Variants in CDR2 observed in about 807,000 individuals in gnomAD.
CDR2 encodes the protein cerebellar degeneration-related protein 2.
A neutral mutation model predicts 48.4 loss-of-function variants in CDR2; 34 were observed. The ratio of observed to expected loss-of-function variants is 0.70; its 90% confidence interval spans 0.53 to 0.94. The LOEUF (loss-of-function observed/expected upper bound fraction) is 0.94. Among genes scored for constraint, CDR2 ranks in the 40% least tolerant of loss-of-function variants. The pLI is 0.00. For synonymous variants in CDR2, 240 were observed against 219.7 expected (o/e 1.09, Z -0.82); for missense variants, 498 against 549.5 (o/e 0.91, Z 0.94).
At chr16:22,349,669 A>C (rs2048929112) in intron 3 of CDR2, 32 bp downstream of exon 3, 1 of 1,610,244 alleles carries the variant, frequency 6.2e-7, no homozygotes, top group Non-Finnish European at 8.5e-7. Flanking sequence ...ACTTCCCCCT[A>C]GTCCTTCCTT....
At chr16:22,360,965 G>C (rs1162796368) in intron 2 of CDR2, among the ~76,000 whole-genome samples, 1 of 151,910 alleles carries the variant, frequency 6.6e-6, no homozygotes, top group African/African-American at 2.4e-5. Flanking sequence ...GGCCAGGCTG[G>C]TCTCGAACTC....
intron 4 of CDR2, 108 bp from the exon 5 acceptor site, chr16:22,347,931 T>A: frequency 9.1e-7 from 1 of 1,097,776 alleles, no homozygotes; most frequent in Non-Finnish European, 1.3e-6. Flanking sequence ...GCTGTGACAG[T>A]GACTAATTTT....
intron 2 of CDR2, among the ~76,000 whole-genome samples, chr16:22,362,330 T>G (rs1453748233): frequency 6.6e-6 from 1 of 152,232 alleles, no homozygotes; most frequent in Non-Finnish European, 1.5e-5. Flanking sequence ...TCAGATATCT[T>G]TGGATACTTT....
At position 22,364,736 on chromosome 16, in the gene CDR2, G is replaced by A. The variant is rs370262754; in HGVS notation, c.192+166C>T. On this transcript the variant is annotated intron_variant, in intron 2 of 4. Transcript: ENST00000268383. Reference sequence around the variant, plus strand: ...AAATTAGCCAGGCGTGGTGGCAGGCGCCTGTAATCCCAGCTACTCGGGAGG... The same window carrying A: ...AAATTAGCCAGGCGTGGTGGCAGGCACCTGTAATCCCAGCTACTCGGGAGG... Among the ~76,000 whole-genome samples the A allele has an allele frequency of 6.8e-4, 103 of 152,234 alleles. 2 individuals carry two copies. Among genetic ancestry groups the A allele is most frequent in the African/African-American group, 2.2e-3 (91 of 41,542 alleles).
Position 22,347,086 on chromosome 16 carries a change from G to T in CDR2, c.1244C>A (p.Ser415Tyr). 1.2e-6 allele frequency: 2 copies of T among 1,614,202 alleles called. No individual in the cohort carries two copies. Among genetic ancestry groups the T allele is most frequent in the Non-Finnish European group, 1.7e-6 (2 of 1,180,028 alleles). Residue 415 changes from serine (S) to tyrosine (Y), a missense_variant, in exon 5 of 5, where the codon TCC becomes TAC. Physicochemically the swap from Ser to Tyr is moderately radical, Grantham distance 144. Coordinates refer to ENST00000268383, the MANE Select transcript of CDR2 (RefSeq NM_001802.2). ...TTTGTATTCTGGAGGTGTTGTAGGGGAACTCACGGGCTCTGGGTTGACAGA... is the reference window on the plus strand; with the variant it reads ...TTTGTATTCTGGAGGTGTTGTAGGGTAACTCACGGGCTCTGGGTTGACAGA... ...LASVNPEPVS[S>Y]PTTPPEYKAL...
intron 2 of CDR2, among the ~76,000 whole-genome samples, chr16:22,359,551 A>AAT (rs1296366377): frequency 6.6e-6 from 1 of 152,200 alleles, no homozygotes; most frequent in Non-Finnish European, 1.5e-5. Context: ...TACTGTTCAA[A>AAT]ATATATATGC....
At chr16:22,354,852 C>G (rs545073902) in intron 2 of CDR2, among the ~76,000 whole-genome samples, 1 of 152,238 alleles carries the variant, frequency 6.6e-6, no homozygotes, top group South Asian at 2.1e-4. Flanking sequence ...TAAGATCACA[C>G]CATTGCACTC....
chr16:22,370,441 C>T (rs552635401), intron 1 of CDR2, among the ~76,000 whole-genome samples: 18 of 152,254 alleles, frequency 1.2e-4, no homozygotes, highest in Admixed American at 1.0e-3. Flanking sequence ...TAACAGAAAC[C>T]TGAATCCTTA....
Position 22,346,898 on chromosome 16 carries a change from C to T in CDR2, c.*67G>A. 6.6e-7 allele frequency: 1 copy of T among 1,515,760 alleles called. No individual in the cohort carries two copies. The highest frequency in any genetic ancestry group is 9.0e-7 in the Non-Finnish European group (1 of 1,111,844). The allele number at this position is 1,515,760 out of a possible 1,614,324, so 93.9% of individuals were successfully genotyped here. A position where few individuals can be genotyped will look rare whatever the true frequency, so the allele number is the denominator to read the frequency against. On this transcript the variant is annotated 3_prime_UTR_variant, in exon 5 of 5. Transcript: ENST00000268383. ...AACATTAGGCTTCAGAGTCTACAAA[C>T]ACTTGTCTGAATGGGAGAGAGAGGC...
chr16:22,352,979 A>G (rs1231411680), intron 2 of CDR2, among the ~76,000 whole-genome samples: 3 of 152,198 alleles, frequency 2.0e-5, no homozygotes, highest in East Asian at 1.9e-4. Flanking sequence ...TGATGGGAAC[A>G]TGTTCAATCT....
chr16:22,364,150 C>T (rs565673640), intron 2 of CDR2, among the ~76,000 whole-genome samples: 8 of 152,106 alleles, frequency 5.3e-5, no homozygotes, highest in African/African-American at 1.9e-4. Context: ...ACCACGTTGC[C>T]CAGGCTGGTC....
Position 22,346,949 on chromosome 16 carries a change from A to G in CDR2, c.*16T>C, listed in dbSNP as rs1230677076. The G allele has an allele frequency of 1.3e-6, 2 of 1,597,930 alleles. No homozygotes were observed. Among genetic ancestry groups the G allele is most frequent in the East Asian group, 4.5e-5 (2 of 44,496 alleles). On this transcript the variant is annotated 3_prime_UTR_variant, in exon 5 of 5. Transcript: ENST00000268383. ...GATAGGCAATAGGCAAATTAGTAGTAGAGCTAGAGGTTCAATTAAGAATGA... is the reference window on the plus strand; with the variant it reads ...GATAGGCAATAGGCAAATTAGTAGTGGAGCTAGAGGTTCAATTAAGAATGA...
chr16:22,347,377 A>G lies in CDR2; in HGVS notation c.953T>C (p.Leu318Ser). The stretch of plus-strand genomic sequence containing the variant: ...GCCCTTCACGATGTCACTCCCTGCC[A>G]AGCTGCTGAGGATCGTCTCACTGCT... ...RSSSETILSS[L>S]AGSDIVKGHE... Residue 318 changes from leucine (L) to serine (S), a missense_variant, in exon 5 of 5, where the codon TTG (leucine) becomes TCG (serine). Transcript: ENST00000268383. 6.2e-7 allele frequency: 1 copy of G among 1,614,168 alleles called. No homozygotes were observed.
chr16:22,361,897 CTTTTTTT>C (rs11303236), intron 2 of CDR2, among the ~76,000 whole-genome samples: 8 of 68,162 alleles, frequency 1.2e-4, no homozygotes, highest in East Asian at 4.2e-4. Flanking sequence ...GAATTTTATA[CTTTTTTT>C]TTTTTTTTTT....
intron 2 of CDR2, among the ~76,000 whole-genome samples, chr16:22,354,629 T>G (rs554959820): frequency 1.6e-4 from 24 of 152,178 alleles, no homozygotes; most frequent in South Asian, 1.2e-3. Flanking sequence ...GGCTCATGCC[T>G]GTAATCCCAG....
chr16:22,368,701 T>C (rs891967950), intron 1 of CDR2: 1 of 152,244 alleles, frequency 6.6e-6, no homozygotes, highest in Non-Finnish European at 1.5e-5. Flanking sequence ...CTTTGTTATC[T>C]TCATCTGCAG....
At chr16:22,347,923 TG>T in intron 4 of CDR2, 100 bp from the exon 5 acceptor site, 2 of 1,167,870 alleles carry the variant, frequency 1.7e-6, no homozygotes, top group South Asian at 3.1e-5. Flanking sequence ...TTTGAGGAGC[TG>T]TGACAGTGAC....
intron 1 of CDR2, among the ~76,000 whole-genome samples, chr16:22,372,820 A>T (rs2049087223): frequency 6.6e-6 from 1 of 152,198 alleles, no homozygotes; most frequent in African/African-American, 2.4e-5. Context: ...CCTCCAAAAG[A>T]GGTGCTCATT....
chr16:22,364,840 G>T, intron 2 of CDR2, 62 bp downstream of exon 2: 2 of 936,420 alleles, frequency 2.1e-6, no homozygotes, highest in Non-Finnish European at 3.4e-6. Flanking sequence ...ACCAGTATGT[G>T]ATTGGCATAA....
Sources: gnomAD v4.1 joint callset for allele counts (sites outside exome capture counted in the v4.1 genomes callset) on GRCh38, gnomAD v4.1.1 for gene constraint, MANE v1.5 for transcripts, NCBI Gene and HGNC (gene_info 2026-07-23, HGNC 2026-07-21) for gene names.